Variants in SPECC1 observed in about 807,000 individuals in gnomAD.
The protein encoded by SPECC1 is sperm antigen with calponin homology and coiled-coil domains 1.
SPECC1 carries 62 observed loss-of-function variants against 104.1 expected under a neutral mutation model. That is an observed-to-expected ratio of 0.60 (90% CI 0.49 to 0.74). The LOEUF (loss-of-function observed/expected upper bound fraction) is 0.74. SPECC1 is among the 30% of genes least tolerant of loss of function. The probability of loss-of-function intolerance (pLI) is 0.00; values close to 1 mark genes in which losing one functional copy is unlikely to be tolerated. For missense variants in SPECC1, 1,306 were observed against 1,310.5 expected (o/e 1.00, Z 0.05); for synonymous variants, 513 against 501.6 (o/e 1.02, Z -0.30).
chr17:20,249,231 G>A (rs1312910843), intron 9 of SPECC1, among the ~76,000 whole-genome samples: 3 of 151,970 alleles, frequency 2.0e-5, no homozygotes, highest in African/African-American at 4.8e-5. Context: ...CAGGGTGGCC[G>A]ACATAGTGAA....
At position 20,116,803 on chromosome 17, in the gene SPECC1, C is replaced by CTT. The variant is rs58127201; in HGVS notation, c.283+6270_283+6271dup. On this transcript the variant is annotated intron_variant, in intron 3 of 14. Transcript: ENST00000395527. ...GGGAACAATTGGCAGTGTCTGGAGA[C>CTT]TTTTTTTTTTTTTTTTTTTTTTTTT... 3.2e-3 allele frequency among the ~76,000 whole-genome samples: 162 copies of CTT among 50,418 alleles called. 42 individuals are homozygous for CTT. Among genetic ancestry groups the CTT allele is most frequent in the Non-Finnish European group, 4.1e-3 (111 of 26,990 alleles). 33.1% of individuals were successfully genotyped at this position (50,418 alleles called of 152,430 possible).
chr17:20,120,162 C>T (rs751450393), intron 3 of SPECC1, among the ~76,000 whole-genome samples: 10 of 152,088 alleles, frequency 6.6e-5, no homozygotes, highest in South Asian at 2.1e-4. Context: ...CCGAGGCAGG[C>T]GGATCACCTG....
At chr17:20,267,540 T>C (rs1330788692) in intron 12 of SPECC1, among the ~76,000 whole-genome samples, 1 of 151,954 alleles carries the variant, frequency 6.6e-6, no homozygotes, top group African/African-American at 2.4e-5. Context: ...CACAAACCCC[T>C]GTAGAAGCCA....
At chr17:20,300,663 T>C (rs1309164167) in intron 13 of SPECC1, among the ~76,000 whole-genome samples, 1 of 152,260 alleles carries the variant, frequency 6.6e-6, no homozygotes, top group Non-Finnish European at 1.5e-5. Flanking sequence ...CTGGCCCTAG[T>C]CTCTGCGATT....
At chr17:20,140,264 T>C (rs527765729) in intron 3 of SPECC1, among the ~76,000 whole-genome samples, 1 of 152,356 alleles carries the variant, frequency 6.6e-6, no homozygotes, top group African/African-American at 2.4e-5. Flanking sequence ...TACAGTGGTC[T>C]TGTTGATTGA....
chr17:20,251,047 C>T (rs533609845), intron 9 of SPECC1, among the ~76,000 whole-genome samples: 18 of 151,652 alleles, frequency 1.2e-4, no homozygotes, highest in Admixed American at 7.9e-4. Context: ...GTCACCATGG[C>T]GAAACCCCAT....
At chr17:20,108,879 AC>A (rs1284121387) in intron 2 of SPECC1, among the ~76,000 whole-genome samples, 1 of 152,134 alleles carries the variant, frequency 6.6e-6, no homozygotes. Flanking sequence ...TCTTCGACTT[AC>A]TGCCTTTCAG....
intron 3 of SPECC1, among the ~76,000 whole-genome samples, chr17:20,188,824 T>A (rs1351993104): frequency 1.3e-5 from 2 of 152,178 alleles, no homozygotes; most frequent in African/African-American, 4.8e-5. Flanking sequence ...CTTTGTGTGT[T>A]TTGACCCATG....
chr17:20,235,846 C>A (rs964704228), intron 7 of SPECC1, among the ~76,000 whole-genome samples: 1 of 150,470 alleles, frequency 6.6e-6, no homozygotes, highest in Non-Finnish European at 1.5e-5. Flanking sequence ...TTCATTTTGC[C>A]TATACCACAA....
Position 20,204,950 on chromosome 17 carries a change from A to G in SPECC1, c.901A>G (p.Lys301Glu). ...GATGTCCAGTGACATTGATGAGTAT[A>G]AAAAAAACATACATGGAAATGCATT... ...NQMSSDIDEY[K>E]KNIHGNALRT... The change falls in exon 4 of 15, where the codon AAA becomes GAA. Residue 301 changes from lysine to glutamate, a missense_variant. Lys to Glu is a moderately conservative substitution (Grantham distance 56). Transcript: ENST00000395527. 1 of 1,594,922 alleles carries G rather than the reference A, an allele frequency of 6.3e-7. No individual in the cohort carries two copies. Among genetic ancestry groups the G allele is most frequent in the Non-Finnish European group, 8.6e-7 (1 of 1,165,594 alleles).
intron 4 of SPECC1, among the ~76,000 whole-genome samples, chr17:20,223,400 G>T (rs1210496901): frequency 6.6e-6 from 1 of 152,048 alleles, no homozygotes; most frequent in Admixed American, 6.6e-5. Flanking sequence ...TCTCGGCCGG[G>T]TGCGGTGGCT....
intron 3 of SPECC1, chr17:20,185,200 C>T (rs576873353): frequency 6.6e-6 from 1 of 152,446 alleles, no homozygotes; most frequent in East Asian, 1.9e-4. Context: ...GTGACTCTCC[C>T]TTGTCCCACA....
chr17:20,205,041 T>C lies in SPECC1; in HGVS notation c.992T>C (p.Phe331Ser). ...TCTTTGTCGCCAGATGCTTCCGACT[T>C]TGAGCACATTACAGCAGAGACACCC... ...KASLSPDASD[F>S]EHITAETPSR... is the part of the protein sequence containing the mutation. Residue 331 changes from phenylalanine to serine, a missense_variant, in exon 4 of 15, where the codon TTT (phenylalanine) becomes TCT (serine). This residue lies in a region of SPECC1 where 1,177 missense variants were observed against 1,139.9 expected (regional missense o/e 1.03). Coordinates refer to ENST00000395527, the MANE Select transcript of SPECC1 (RefSeq NM_001243439.2). 6.2e-7 allele frequency: 1 copy of C among 1,614,098 alleles called. No individual in the cohort carries two copies. The highest frequency in any genetic ancestry group is 1.1e-5 in the South Asian group (1 of 91,066).
rs144590895 is a variant in SPECC1, at chr17:20,268,499, C to A, written c.2940+8205C>A. On this transcript the variant is annotated intron_variant, in intron 12 of 14. Coordinates refer to ENST00000395527, the MANE Select transcript of SPECC1 (RefSeq NM_001243439.2). ...TCTTATATTCTTTTTTGAGACAGAT[C>A]TCTTGAAGGCTACACGCACAATTCA... Among the ~76,000 whole-genome samples, 5 of 152,282 alleles carry A rather than the reference C, an allele frequency of 3.3e-5. No individual in the cohort carries two copies. In the East Asian group the frequency reaches 7.7e-4, roughly 24 times the overall value.
chr17:20,155,999 A>AG, intron 3 of SPECC1: 1 of 1,280,406 alleles, frequency 7.8e-7, no homozygotes, highest in East Asian at 3.2e-5. Flanking sequence ...GATGCAGATG[A>AG]GGGGGCGGGG....
chr17:20,115,558 C>T (rs1162903988), intron 3 of SPECC1, among the ~76,000 whole-genome samples: 1 of 152,066 alleles, frequency 6.6e-6, no homozygotes, highest in Admixed American at 6.6e-5. Context: ...ATTAAAAGAA[C>T]AGTAGTGTAC....
chr17:20,033,502 T>G (rs2044913582), intron 1 of SPECC1, among the ~76,000 whole-genome samples: 1 of 152,176 alleles, frequency 6.6e-6, no homozygotes, highest in Non-Finnish European at 1.5e-5. Flanking sequence ...TTTTGTAGGC[T>G]GTACAAGAAG....
intron 14 of SPECC1, among the ~76,000 whole-genome samples, chr17:20,312,796 T>C (rs1460964027): frequency 6.6e-6 from 1 of 152,186 alleles, no homozygotes; most frequent in Non-Finnish European, 1.5e-5. Flanking sequence ...TCCACTCCTT[T>C]CCCATGACTA....
intron 7 of SPECC1, chr17:20,238,349 A>G (rs1193593404): frequency 1.2e-5 from 12 of 1,039,982 alleles, no homozygotes; most frequent in East Asian, 1.2e-4. Flanking sequence ...ACTTCTGGAA[A>G]TATGTGTGTT....
Sources: allele counts gnomAD v4.1 joint callset (sites outside exome capture counted in the v4.1 genomes callset), GRCh38; gene constraint gnomAD v4.1.1; regional missense constraint gnomAD v4.1.1; transcripts MANE v1.5; gene names NCBI Gene and HGNC (gene_info 2026-07-23, HGNC 2026-07-21).